The following ITGB3BP variants were observed in gnomAD, a reference collection of about 807,000 sequenced individuals.
ITGB3BP encodes integrin subunit beta 3 binding protein.
A neutral mutation model predicts 29.1 loss-of-function variants in ITGB3BP; 27 were observed. The ratio of observed to expected loss-of-function variants is 0.93; its 90% CI spans 0.68 to 1.28. The LOEUF is 1.28. Ranked by LOEUF, ITGB3BP falls within the 50% of genes most tolerant of loss-of-function variation. The pLI is 0.00. For missense variants in ITGB3BP, 192 were observed against 200.2 expected (o/e 0.96, Z 0.25); for synonymous variants, 61 against 61.4 (o/e 0.99, Z 0.03).
chr1:63,474,933 A>AC (rs1645307485), intron 4 of ITGB3BP, among the ~76,000 whole-genome samples: 6 of 145,852 alleles, frequency 4.1e-5, no homozygotes, highest in African/African-American at 1.7e-4. Flanking sequence ...AAACAAAACA[A>AC]AAACAAAAAC....
intron 4 of ITGB3BP, among the ~76,000 whole-genome samples, chr1:63,464,510 T>G (rs1645068584): frequency 6.6e-6 from 1 of 152,146 alleles, no homozygotes; most frequent in Non-Finnish European, 1.5e-5. Context: ...AATTTTTAAA[T>G]GGCCAACCAG....
chr1:63,510,171 C>A lies in ITGB3BP; in HGVS notation c.6-1601G>T, dbSNP rs367713499. ...TGCCATTGCACTCTAGCCTGGGCAA[C>A]GGGAGCAAAACTGTCTCAAAAAAAA... is the stretch of plus-strand genomic sequence containing the variant. On this transcript the variant is annotated intron_variant, in intron 1 of 8. Coordinates refer to ENST00000271002, the MANE Select transcript of ITGB3BP (RefSeq NM_014288.5). The A allele has an allele frequency of 9.6e-5, 50 of 520,574 alleles. 2 individuals carry two copies. The South Asian group carries it at 1.2e-3, about 12-fold the overall frequency. 32.2% of individuals were successfully genotyped at this position (520,574 alleles called of 1,614,324 possible).
chr1:63,471,729 ATC>A (rs1385173467), intron 4 of ITGB3BP, among the ~76,000 whole-genome samples: 1 of 152,214 alleles, frequency 6.6e-6, no homozygotes, highest in African/African-American at 2.4e-5. Flanking sequence ...AAATGAAGGT[ATC>A]TGTTAAAACT....
At chr1:63,515,167 T>C (rs1239784375) in intron 1 of ITGB3BP, among the ~76,000 whole-genome samples, 1 of 152,216 alleles carries the variant, frequency 6.6e-6, no homozygotes, top group Non-Finnish European at 1.5e-5. Context: ...GACTAAAATG[T>C]ATCTCAAATT....
chr1:63,505,945 A>G (rs1198202890), intron 2 of ITGB3BP, among the ~76,000 whole-genome samples: 3 of 152,138 alleles, frequency 2.0e-5, no homozygotes, highest in African/African-American at 7.2e-5. Context: ...TATGTGGTCA[A>G]TTTTGGAATA....
chr1:63,490,959 A>G (rs183471279), intron 2 of ITGB3BP, among the ~76,000 whole-genome samples: 1 of 152,048 alleles, frequency 6.6e-6, no homozygotes, highest in Admixed American at 6.6e-5. Context: ...AAATTTGGCC[A>G]TCTTGCTCTA....
chr1:63,487,118 T>A (rs775885518), intron 3 of ITGB3BP, among the ~76,000 whole-genome samples: 2 of 152,080 alleles, frequency 1.3e-5, no homozygotes, highest in Non-Finnish European at 2.9e-5. Context: ...GTATGTTTTA[T>A]GGTAAATGAT....
In ITGB3BP at chr1:63,523,151, C is replaced by A. The variant is rs201986932; in HGVS notation, c.-18G>T. The A allele has an allele frequency of 6.2e-7, 1 of 1,614,106 alleles. No homozygotes were observed. Among genetic ancestry groups the A allele is most frequent in the East Asian group, 2.2e-5 (1 of 44,886 alleles). The stretch of plus-strand genomic sequence containing the variant: ...TACGGCATTCTGAGATTCGGGAAAG[C>A]ACCACTGCCGCTGAATAAAACGAAC... On this transcript the variant is annotated 5_prime_UTR_variant, in exon 1 of 9. Transcript: ENST00000271002.
At chr1:63,504,389 T>C (rs1040910724) in intron 2 of ITGB3BP, among the ~76,000 whole-genome samples, 4 of 152,096 alleles carry the variant, frequency 2.6e-5, no homozygotes, top group African/African-American at 9.7e-5. Flanking sequence ...TGAAGTTGCC[T>C]ATCAGCTTAA....
chr1:63,482,338 T>C (rs1279714716), intron 3 of ITGB3BP, among the ~76,000 whole-genome samples: 3 of 150,660 alleles, frequency 2.0e-5, no homozygotes, highest in Admixed American at 6.6e-5. Flanking sequence ...ATCATGCTGC[T>C]TCTAGGTACC....
At chr1:63,505,521 C>T (rs1005178506) in intron 2 of ITGB3BP, among the ~76,000 whole-genome samples, 2 of 152,116 alleles carry the variant, frequency 1.3e-5, no homozygotes, top group East Asian at 3.9e-4. Flanking sequence ...TTCAGTTCTG[C>T]TCTGATCTTA....
At chr1:63,476,782 G>A (rs992062753) in intron 4 of ITGB3BP, among the ~76,000 whole-genome samples, 1 of 152,160 alleles carries the variant, frequency 6.6e-6, no homozygotes, top group Admixed American at 6.6e-5. Context: ...AATTAATTTG[G>A]TTTAGCAGGC....
chr1:63,446,875 G>C lies in ITGB3BP; in HGVS notation c.485-19C>G. ...CGTGATGCTATATGAAAGAAGAAAG[G>C]TTTTTTTTTTCAGAAAACAATTCAA... On this transcript the variant is annotated intron_variant, in intron 7 of 8. Coordinates refer to ENST00000271002, the MANE Select transcript of ITGB3BP (RefSeq NM_014288.5). 7.3e-7 allele frequency: 1 copy of C among 1,364,636 alleles called. No homozygotes were observed. The highest frequency in any genetic ancestry group is 2.0e-5 in the Admixed American group (1 of 50,304). The allele number at this position is 1,364,636 out of a possible 1,614,324, so 84.5% of individuals were successfully genotyped here.
chr1:63,446,748 G>C, intron 8 of ITGB3BP, 58 bp downstream of exon 8: 1 of 1,215,630 alleles, frequency 8.2e-7, no homozygotes, highest in Non-Finnish European at 1.2e-6. Flanking sequence ...GTTTCCACCT[G>C]AACAAAACAC....
chr1:63,447,879 C>T (rs554099968), intron 7 of ITGB3BP: 7 of 267,824 alleles, frequency 2.6e-5, no homozygotes, highest in Non-Finnish European at 4.6e-5. Flanking sequence ...CACATGCACA[C>T]GTATGTTTAT....
intron 4 of ITGB3BP, among the ~76,000 whole-genome samples, chr1:63,476,079 A>G (rs557448972): frequency 4.9e-4 from 73 of 150,412 alleles, no homozygotes; most frequent in African/African-American, 1.7e-3. Flanking sequence ...GCTGGTGTGC[A>G]GCAGCTATTT....
At chr1:63,444,146 C>A (rs545752139) in intron 8 of ITGB3BP, among the ~76,000 whole-genome samples, 11 of 152,166 alleles carry the variant, frequency 7.2e-5, no homozygotes, top group African/African-American at 2.6e-4. Context: ...TTTCCAGTTT[C>A]TTGAAAGTAT....
chr1:63,469,504 T>C (rs973203527), intron 4 of ITGB3BP, among the ~76,000 whole-genome samples: 3 of 152,096 alleles, frequency 2.0e-5, no homozygotes, highest in Non-Finnish European at 4.4e-5. Flanking sequence ...TTTTGCATTT[T>C]TACTAGAGAC....
At chr1:63,498,269 C>T (rs1645839969) in intron 2 of ITGB3BP, among the ~76,000 whole-genome samples, 1 of 152,108 alleles carries the variant, frequency 6.6e-6, no homozygotes, top group African/African-American at 2.4e-5. Context: ...TTCTCAAGTG[C>T]ACATAAAACA....
Sources: allele counts gnomAD v4.1 joint callset (sites outside exome capture counted in the v4.1 genomes callset), GRCh38; gene constraint gnomAD v4.1.1; transcripts MANE v1.5; gene names NCBI Gene and HGNC (gene_info 2026-07-23, HGNC 2026-07-21).